FRY: variants seen among roughly 807,000 people sequenced by gnomAD.
The protein encoded by FRY is protein furry homolog.
Under a neutral mutation model 348.4 loss-of-function variants are expected in FRY, and 128 were observed. That is an observed-to-expected ratio of 0.37 (90% CI 0.32 to 0.43). FRY has a LOEUF of 0.43. Among genes scored for constraint, FRY ranks in the 20% least tolerant of loss-of-function variants. The probability of loss-of-function intolerance (pLI) is 1.00; values close to 1 mark genes in which losing one functional copy is unlikely to be tolerated. For missense variants in FRY, 2,736 were observed against 3,695.2 expected, an observed-to-expected ratio of 0.74 and a Z score of 6.73; for synonymous variants, 1,370 against 1,374.7, an observed-to-expected ratio of 1.00 and a Z score of 0.08.
At chr13:32,273,347 C>T (rs368219426) in intron 55 of FRY, among the ~76,000 whole-genome samples, 4 of 151,884 alleles carry the variant, frequency 2.6e-5, no homozygotes, top group African/African-American at 9.7e-5. Flanking sequence ...CTCAGCCTCC[C>T]GAGTAGCTGG....
intron 11 of FRY, among the ~76,000 whole-genome samples, chr13:32,139,997 C>T (rs558046681): frequency 2.6e-5 from 4 of 151,494 alleles, no homozygotes; most frequent in South Asian, 4.2e-4. Flanking sequence ...AGTTTCTTAT[C>T]CTTCAAAATA....
chr13:32,283,424 T>C (rs1888909051), intron 58 of FRY, among the ~76,000 whole-genome samples: 1 of 152,182 alleles, frequency 6.6e-6, no homozygotes, highest in Non-Finnish European at 1.5e-5. Context: ...TCTCTGTACC[T>C]AAGTCCTCAA....
intron 12 of FRY, 146 bp from the exon 13 acceptor site, chr13:32,147,693 T>C: frequency 1.4e-6 from 1 of 707,560 alleles, no homozygotes; most frequent in Non-Finnish European, 2.6e-6. Flanking sequence ...AGAGTAATTA[T>C]GCTAATGGAA....
intron 1 of FRY, among the ~76,000 whole-genome samples, chr13:32,051,501 C>T (rs2138404637): frequency 1.3e-5 from 2 of 152,310 alleles, no homozygotes; most frequent in South Asian, 4.1e-4. Context: ...CGAATTACTC[C>T]TGAGTTTTCA....
chr13:32,106,247 A>G (rs1877542763), intron 3 of FRY, among the ~76,000 whole-genome samples: 1 of 150,592 alleles, frequency 6.6e-6, no homozygotes, highest in African/African-American at 2.4e-5. Flanking sequence ...TATAGAGATG[A>G]TAATAATGGT....
chr13:32,234,426 AAG>A (rs1194411738), intron 41 of FRY, 146 bp from the exon 42 acceptor site: 10 of 738,930 alleles, frequency 1.4e-5, no homozygotes, highest in Non-Finnish European at 2.4e-5. Context: ...CTGTCTCAAA[AAG>A]AGAAAAAAAA....
intron 1 of FRY, among the ~76,000 whole-genome samples, 196 bp downstream of exon 1, chr13:32,032,061 G>A (rs1014094160): frequency 7.4e-6 from 1 of 135,826 alleles, no homozygotes; most frequent in African/African-American, 3.2e-5. Context: ...GCTCCCATCT[G>A]CTGTGAAAAT....
intron 7 of FRY, among the ~76,000 whole-genome samples, chr13:32,130,022 T>G (rs1421890020): frequency 6.6e-6 from 1 of 151,940 alleles, no homozygotes; most frequent in African/African-American, 2.4e-5. Context: ...AGTTCACCTT[T>G]CATTTCTATA....
chr13:32,031,940 A>G lies in FRY; in HGVS notation c.70+75A>G, dbSNP rs147785987. 643 of 815,510 alleles carry G rather than the reference A, an allele frequency of 7.9e-4. 9 individuals carry two copies. In the East Asian group the frequency reaches 9.1e-3, roughly 12 times the overall value. 50.5% of individuals were successfully genotyped at this position (815,510 alleles called of 1,614,324 possible). ...ATAAGGCTGGAGACAGAAAATCTCA[A>G]CTGGACACATATGTTTGTGAGCCGC... On this transcript the variant is annotated intron_variant, in intron 1 of 60. Coordinates refer to ENST00000542859, the MANE Select transcript of FRY (RefSeq NM_023037.3).
chr13:32,077,343 G>A (rs1242508676), intron 1 of FRY, among the ~76,000 whole-genome samples: 1 of 152,134 alleles, frequency 6.6e-6, no homozygotes, highest in Non-Finnish European at 1.5e-5. Context: ...CCGCAAAGAA[G>A]TTATTAAAAT....
At chr13:32,110,590 G>A (rs1355242752) in intron 3 of FRY, among the ~76,000 whole-genome samples, 1 of 151,830 alleles carries the variant, frequency 6.6e-6, no homozygotes, top group Non-Finnish European at 1.5e-5. Context: ...TCTCAGAAAT[G>A]AAAATTCTAG....
At chr13:32,181,322 C>CA (rs1329703378) in intron 23 of FRY, among the ~76,000 whole-genome samples, 2 of 151,658 alleles carry the variant, frequency 1.3e-5, no homozygotes, top group Non-Finnish European at 2.9e-5. Context: ...TGGACGGGTG[C>CA]AGTGGCTCAT....
At chr13:32,259,223 G>A (rs1887499603) in intron 51 of FRY, among the ~76,000 whole-genome samples, 1 of 152,246 alleles carries the variant, frequency 6.6e-6, no homozygotes, top group Non-Finnish European at 1.5e-5. Context: ...CTAGGGCCAT[G>A]CTGAGAAAGC....
intron 7 of FRY, among the ~76,000 whole-genome samples, chr13:32,131,202 T>C (rs529782046): frequency 6.6e-6 from 1 of 152,344 alleles, no homozygotes; most frequent in East Asian, 1.9e-4. Flanking sequence ...CAGAAAACTT[T>C]AGAATTACAA....
rs755532964 is a variant in FRY, at chr13:32,254,341, T to C, written c.7363T>C (p.Phe2455Leu). 2 of 1,614,032 alleles carry C rather than the reference T, an allele frequency of 1.2e-6. No homozygotes were observed. The highest frequency in any genetic ancestry group is 1.7e-6 in the Non-Finnish European group (2 of 1,179,976). The stretch of plus-strand genomic sequence containing the variant: ...GGATGACACAAACAGCGAGCAGCAG[T>C]TTAGAGTCTTCAGAGACTTCGACTT... ...NMDDTNSEQQ[F>L]RVFRDFDFLD... Residue 2455 changes from phenylalanine (F) to leucine (L), a missense_variant, in exon 51 of 61, where the codon TTT becomes CTT. Around this residue, in one of 9 missense-constraint regions of FRY, gnomAD observed 789 missense variants for 996.2 expected, o/e 0.79. Transcript: ENST00000542859.
chr13:32,252,092 G>A lies in FRY; in HGVS notation c.7245+140G>A, dbSNP rs989608586. ...AGCCACCGTCTTGAGCAAACCCCTG[G>A]ACTATTTCTCCCCACACCATGATTT... On this transcript the variant is annotated intron_variant, in intron 50 of 60. Transcript: ENST00000542859. The A allele has an allele frequency of 1.1e-5, 8 of 709,088 alleles. No individual in the cohort carries two copies. In the Admixed American group the frequency reaches 1.6e-4, roughly 14 times the overall value. The allele number at this position is 709,088 out of a possible 1,614,324, so 43.9% of individuals were successfully genotyped here. A position where few individuals can be genotyped will look rare whatever the true frequency, so the allele number is the denominator to read the frequency against.
At chr13:32,158,370 G>T (rs1351004181) in intron 16 of FRY, among the ~76,000 whole-genome samples, 1 of 152,060 alleles carries the variant, frequency 6.6e-6, no homozygotes, top group African/African-American at 2.4e-5. Context: ...ACAAAAGTGG[G>T]ATAATACAAT....
chr13:32,135,686 T>C (rs1173795809), intron 10 of FRY, among the ~76,000 whole-genome samples: 1 of 152,188 alleles, frequency 6.6e-6, no homozygotes, highest in East Asian at 1.9e-4. Context: ...AAGAGCAGTA[T>C]AGAAAATCTT....
At chr13:32,230,156 A>G (rs1230090300) in intron 40 of FRY, among the ~76,000 whole-genome samples, 1 of 152,106 alleles carries the variant, frequency 6.6e-6, no homozygotes, top group African/African-American at 2.4e-5. Context: ...TGTACAGGCT[A>G]TTTCACCAGC....
Sources: allele counts gnomAD v4.1 joint callset (sites outside exome capture counted in the v4.1 genomes callset), GRCh38; gene constraint gnomAD v4.1.1; regional missense constraint gnomAD v4.1.1; transcripts MANE v1.5; gene names NCBI Gene and HGNC (gene_info 2026-07-23, HGNC 2026-07-21).